Variants in NAALADL2 observed in about 807,000 individuals in gnomAD.
NAALADL2 encodes inactive N-acetylated-alpha-linked acidic dipeptidase-like protein 2.
In NAALADL2, 76 loss-of-function variants were observed where a neutral mutation model predicts 87.2. That is an observed-to-expected ratio of 0.87 (90% CI 0.72 to 1.05). The LOEUF (loss-of-function observed/expected upper bound fraction) is 1.05, where lower values mean the gene tolerates loss of function less well. Among genes scored for constraint, NAALADL2 ranks in the 50% least tolerant of loss-of-function variants. The pLI, the probability that NAALADL2 is intolerant of heterozygous loss-of-function variation, is 0.00. For synonymous variants in NAALADL2, 354 were observed against 331.0 expected (o/e 1.07, Z -0.75); for missense variants, 1,089 against 945.8 (o/e 1.15, Z -1.99).
At chr3:175,171,810 A>G (rs914820252) in intron 2 of NAALADL2, among the ~76,000 whole-genome samples, 5 of 152,042 alleles carry the variant, frequency 3.3e-5, no homozygotes, top group Admixed American at 6.6e-5. Flanking sequence ...AGACTTAGAA[A>G]GACAAATTTC....
At chr3:175,037,252 A>G in intron 1 of NAALADL2, among the ~76,000 whole-genome samples, 1 of 152,188 alleles carries the variant, frequency 6.6e-6, no homozygotes, top group East Asian at 1.9e-4. Flanking sequence ...TGACTAAGTC[A>G]CATGAGTATT....
intron 3 of NAALADL2, among the ~76,000 whole-genome samples, chr3:174,808,954 A>T (rs928463836): frequency 3.9e-5 from 6 of 152,104 alleles, no homozygotes; most frequent in Non-Finnish European, 7.4e-5. Context: ...ATCATTTTTT[A>T]AAAATCACAT....
At chr3:175,634,616 G>A (rs972937252) in intron 11 of NAALADL2, among the ~76,000 whole-genome samples, 1 of 151,802 alleles carries the variant, frequency 6.6e-6, no homozygotes, top group Non-Finnish European at 1.5e-5. Context: ...CCTGGTACAC[G>A]TTTTTTAAAT....
At chr3:174,465,182 CTGTG>C (rs145680771) in intron 1 of NAALADL2, among the ~76,000 whole-genome samples, 10 of 151,612 alleles carry the variant, frequency 6.6e-5, no homozygotes, top group African/African-American at 2.2e-4. Context: ...TTATGATTCT[CTGTG>C]TGTGTGTTCA....
At chr3:175,606,512 T>C (rs1253311619) in intron 10 of NAALADL2, among the ~76,000 whole-genome samples, 2 of 152,102 alleles carry the variant, frequency 1.3e-5, no homozygotes, top group Non-Finnish European at 2.9e-5. Context: ...TTCTTTAAGC[T>C]TAAATTCACC....
chr3:175,540,387 G>A (rs539371205), intron 9 of NAALADL2, among the ~76,000 whole-genome samples: 4 of 152,266 alleles, frequency 2.6e-5, no homozygotes, highest in African/African-American at 9.6e-5. Context: ...CAGAGGCAGA[G>A]CACCTAATGC....
intron 1 of NAALADL2, among the ~76,000 whole-genome samples, chr3:174,952,211 T>G (rs1034846959): frequency 2.6e-5 from 4 of 152,188 alleles, no homozygotes; most frequent in African/African-American, 9.6e-5. Context: ...TACATTGCAC[T>G]AATTTTCTCT....
chr3:174,993,639 T>C (rs1484516430), intron 1 of NAALADL2, among the ~76,000 whole-genome samples: 2 of 152,102 alleles, frequency 1.3e-5, no homozygotes, highest in African/African-American at 4.8e-5. Flanking sequence ...AGGTAATTAT[T>C]AGGACATAGA....
intron 1 of NAALADL2, among the ~76,000 whole-genome samples, chr3:174,477,864 A>C (rs1717305871): frequency 6.6e-6 from 1 of 152,194 alleles, no homozygotes; most frequent in Non-Finnish European, 1.5e-5. Context: ...CTATTCTTTC[A>C]ATGTTAGCCA....
At chr3:175,434,372 C>T (rs1718272225) in intron 5 of NAALADL2, among the ~76,000 whole-genome samples, 1 of 152,006 alleles carries the variant, frequency 6.6e-6, no homozygotes, top group Non-Finnish European at 1.5e-5. Context: ...AACCCCAGGC[C>T]AGTCTTCTTT....
intron 2 of NAALADL2, among the ~76,000 whole-genome samples, chr3:175,118,325 T>C (rs1364145544): frequency 7.9e-5 from 12 of 151,724 alleles, no homozygotes; most frequent in African/African-American, 2.9e-4. Context: ...ATAGTAGCAA[T>C]AGATCACAGA....
At chr3:174,770,607 G>T (rs370414945) in intron 3 of NAALADL2, among the ~76,000 whole-genome samples, 2 of 152,038 alleles carry the variant, frequency 1.3e-5, no homozygotes, top group African/African-American at 2.4e-5. Flanking sequence ...TTGGGAGGCC[G>T]AGGTGGGCGG....
chr3:175,789,267 C>G (rs1752491497), intron 13 of NAALADL2, among the ~76,000 whole-genome samples: 1 of 142,816 alleles, frequency 7.0e-6, no homozygotes. Flanking sequence ...TTGTCAACTT[C>G]TACTGTAAAA....
At chr3:175,057,250 G>A (rs560513919) in intron 1 of NAALADL2, among the ~76,000 whole-genome samples, 22 of 152,204 alleles carry the variant, frequency 1.4e-4, no homozygotes, top group African/African-American at 4.1e-4. Flanking sequence ...CTTTAATCAC[G>A]TTACCATTTT....
chr3:174,965,837 C>G (rs1742790022), intron 1 of NAALADL2, among the ~76,000 whole-genome samples: 1 of 151,888 alleles, frequency 6.6e-6, no homozygotes, highest in Non-Finnish European at 1.5e-5. Context: ...ACAGTATGGT[C>G]TATTTTCCCT....
intron 9 of NAALADL2, among the ~76,000 whole-genome samples, chr3:175,476,671 TTTC>T (rs1278294260): frequency 6.6e-6 from 1 of 152,178 alleles, no homozygotes; most frequent in African/African-American, 2.4e-5. Flanking sequence ...CTTCTGCTCT[TTTC>T]TTCTTGTGTG....
chr3:175,448,945 AG>A, intron 6 of NAALADL2, among the ~76,000 whole-genome samples: 1 of 152,224 alleles, frequency 6.6e-6, no homozygotes, highest in South Asian at 2.1e-4. Context: ...TGAGCTCCCT[AG>A]ATCAAGTGGT....
intron 10 of NAALADL2, among the ~76,000 whole-genome samples, chr3:175,619,000 C>T (rs184874004): frequency 1.3e-5 from 2 of 152,262 alleles, no homozygotes; most frequent in Non-Finnish European, 1.5e-5. Flanking sequence ...TCCCTCAGAT[C>T]TGATTTTCTT....
At chr3:174,675,807 G>A (rs1037079061) in intron 2 of NAALADL2, among the ~76,000 whole-genome samples, 3 of 151,982 alleles carry the variant, frequency 2.0e-5, no homozygotes, top group Admixed American at 6.6e-5. Flanking sequence ...ATGTTCCAAT[G>A]TTTTCAGCAA....
Sources: gnomAD v4.1 joint callset for allele counts (sites outside exome capture counted in the v4.1 genomes callset) on GRCh38, gnomAD v4.1.1 for gene constraint, MANE v1.5 for transcripts, NCBI Gene and HGNC (gene_info 2026-07-23, HGNC 2026-07-21) for gene names.